The following TM9SF3 variants were observed in gnomAD, a reference collection of about 807,000 sequenced individuals.
TM9SF3 encodes SM-11044-binding protein.
Under a neutral mutation model 78.6 loss-of-function variants are expected in TM9SF3, and 14 were observed. The observed-to-expected ratio is 0.18, with a 90% CI of 0.12 to 0.28. The LOEUF (loss-of-function observed/expected upper bound fraction) is 0.28. Ranked by LOEUF, TM9SF3 falls within the 10% of genes least tolerant of loss-of-function variation. The pLI is 1.00. For synonymous variants in TM9SF3, 231 were observed against 241.7 expected, an observed-to-expected ratio of 0.96 and a Z score of 0.41; for missense variants, 496 against 721.9, an observed-to-expected ratio of 0.69 and a Z score of 3.59.
Position 96,549,813 on chromosome 10 carries a change from AT to A in TM9SF3, c.959+1431del, listed in dbSNP as rs370912860. 1.2e-3 allele frequency among the ~76,000 whole-genome samples: 86 copies of A among 73,314 alleles called. 15 individuals carry two copies. Among genetic ancestry groups the A allele is most frequent in the Non-Finnish European group, 1.5e-3 (49 of 33,710 alleles). The allele number at this position is 73,314 out of a possible 152,430, so 48.1% of individuals were successfully genotyped here. A position where few individuals can be genotyped will look rare whatever the true frequency, so the allele number is the denominator to read the frequency against. ...GGTCTTTAAGTAGAAGAGCTTCTGC[AT>A]TTTAAAAAAAAAAAAAAAAAAAGAG... On this transcript the variant is annotated intron_variant, in intron 7 of 14. Coordinates refer to ENST00000371142, the MANE Select transcript of TM9SF3 (RefSeq NM_020123.4).
intron 5 of TM9SF3, among the ~76,000 whole-genome samples, chr10:96,558,806 A>C (rs1452590545): frequency 6.6e-6 from 1 of 152,194 alleles, no homozygotes; most frequent in African/African-American, 2.4e-5. Flanking sequence ...CCATCTCAAA[A>C]ATAGGTGATT....
intron 2 of TM9SF3, among the ~76,000 whole-genome samples, chr10:96,574,124 A>C (rs951723503): frequency 6.6e-6 from 1 of 152,158 alleles, no homozygotes; most frequent in Non-Finnish European, 1.5e-5. Context: ...ACTACCATCA[A>C]AGTGAACAGG....
chr10:96,569,487 C>T (rs1420088378), intron 2 of TM9SF3, among the ~76,000 whole-genome samples: 1 of 152,188 alleles, frequency 6.6e-6, no homozygotes, highest in Non-Finnish European at 1.5e-5. Flanking sequence ...AATTAAATAA[C>T]TATATAAAGA....
intron 7 of TM9SF3, among the ~76,000 whole-genome samples, chr10:96,550,223 ACTGAATACCTTCCACATGCAAAGCT>A (rs1450082178): frequency 6.6e-6 from 1 of 152,210 alleles, no homozygotes; most frequent in Non-Finnish European, 1.5e-5. Context: ...ACAAGCATTG[ACTGAATACCTTCCACATGCAAAGCT>A]CCTTATGTAG....
intron 1 of TM9SF3, among the ~76,000 whole-genome samples, chr10:96,583,504 G>C (rs990600080): frequency 2.2e-4 from 33 of 152,244 alleles, no homozygotes; most frequent in Middle Eastern, 3.4e-3. Context: ...TCAATACCTA[G>C]TGCTTTACTG....
chr10:96,532,081 G>T (rs1847903323), intron 10 of TM9SF3, among the ~76,000 whole-genome samples: 1 of 151,762 alleles, frequency 6.6e-6, no homozygotes, highest in Non-Finnish European at 1.5e-5. Flanking sequence ...GTGGTGGCGG[G>T]CACCTGTAGT....
intron 1 of TM9SF3, among the ~76,000 whole-genome samples, chr10:96,580,028 G>C (rs533389756): frequency 7.9e-5 from 12 of 152,304 alleles, no homozygotes; most frequent in Non-Finnish European, 1.8e-4. Context: ...GAAGAAGGTG[G>C]GGTGGAGTCA....
chr10:96,526,285 C>T (rs1037330368), intron 14 of TM9SF3, among the ~76,000 whole-genome samples: 3 of 152,006 alleles, frequency 2.0e-5, no homozygotes, highest in African/African-American at 7.2e-5. Context: ...AATAACAGTC[C>T]CAACACTACA....
chr10:96,536,117 A>G (rs563928506), intron 9 of TM9SF3, among the ~76,000 whole-genome samples: 38 of 152,234 alleles, frequency 2.5e-4, no homozygotes, highest in Non-Finnish European at 4.4e-4. Context: ...TTCAAAATTA[A>G]AAGAAAAAAA....
chr10:96,532,998 A>T (rs1415668660), intron 10 of TM9SF3, 53 bp downstream of exon 10: 2 of 1,597,220 alleles, frequency 1.3e-6, no homozygotes, highest in Non-Finnish European at 1.7e-6. Context: ...CAACAGCCTT[A>T]AGAACTTATA....
chr10:96,586,188 A>T (rs116275923), intron 1 of TM9SF3, among the ~76,000 whole-genome samples: 2 of 152,206 alleles, frequency 1.3e-5, no homozygotes, highest in African/African-American at 4.8e-5. Flanking sequence ...ATTCAAGTTT[A>T]TTAATGCTGC....
chr10:96,544,060 G>A lies in TM9SF3; in HGVS notation c.1185+16C>T. The A allele has an allele frequency of 1.3e-6, 2 of 1,598,586 alleles. No individual in the cohort carries two copies. Among genetic ancestry groups the A allele is most frequent in the Non-Finnish European group, 1.7e-6 (2 of 1,175,048 alleles). ...GTATACTTTTTCAGTTTAAAAGTAA[G>A]ATTCAAGCAACTCACCATTGTTCCA... On this transcript the variant is annotated intron_variant, in intron 9 of 14. Transcript: ENST00000371142.
chr10:96,561,880 T>C, intron 4 of TM9SF3, 98 bp downstream of exon 4: 1 of 1,012,950 alleles, frequency 9.9e-7, no homozygotes, highest in Non-Finnish European at 1.5e-6. Context: ...TTGCATCCCA[T>C]TTCAAGCTAC....
At chr10:96,558,739 G>A (rs896097821) in intron 5 of TM9SF3, among the ~76,000 whole-genome samples, 1 of 151,992 alleles carries the variant, frequency 6.6e-6, no homozygotes, top group African/African-American at 2.4e-5. Context: ...TTCCGGTAGA[G>A]TCTAAGAATG....
At chr10:96,555,599 C>A (rs562875492) in intron 5 of TM9SF3, among the ~76,000 whole-genome samples, 1 of 152,130 alleles carries the variant, frequency 6.6e-6, no homozygotes, top group Admixed American at 6.5e-5. Flanking sequence ...GTTTCAGGAA[C>A]GAGATAAACT....
chr10:96,558,748 T>C (rs1848267991), intron 5 of TM9SF3, among the ~76,000 whole-genome samples: 1 of 151,986 alleles, frequency 6.6e-6, no homozygotes, highest in Non-Finnish European at 1.5e-5. Flanking sequence ...AGTCTAAGAA[T>C]GGAACCTAAC....
chr10:96,532,281 TC>T (rs1434768408), intron 10 of TM9SF3, among the ~76,000 whole-genome samples: 2 of 151,842 alleles, frequency 1.3e-5, no homozygotes, highest in Non-Finnish European at 2.9e-5. Flanking sequence ...CTAAAGTCTC[TC>T]ATAAGCACCA....
intron 5 of TM9SF3, among the ~76,000 whole-genome samples, chr10:96,555,515 T>C (rs751506276): frequency 2.0e-5 from 3 of 152,212 alleles, no homozygotes; most frequent in Admixed American, 6.5e-5. Flanking sequence ...TTAGGACATA[T>C]GTTAACTTGG....
At chr10:96,568,680 T>A (rs1052223847) in intron 2 of TM9SF3, among the ~76,000 whole-genome samples, 3 of 152,126 alleles carry the variant, frequency 2.0e-5, no homozygotes, top group Non-Finnish European at 4.4e-5. Flanking sequence ...TGAGAAACAG[T>A]CTACCTCTAA....
Sources: gnomAD v4.1 joint callset for allele counts (sites outside exome capture counted in the v4.1 genomes callset) on GRCh38, gnomAD v4.1.1 for gene constraint, MANE v1.5 for transcripts, NCBI Gene and HGNC (gene_info 2026-07-23, HGNC 2026-07-21) for gene names.